The following INTS2 variants were observed in gnomAD, a reference collection of about 807,000 sequenced individuals.
The protein encoded by INTS2 is integrator complex subunit 2.
In INTS2, 57 loss-of-function variants were observed where a neutral mutation model predicts 139.6. That is an observed-to-expected ratio of 0.41 (90% confidence interval 0.33 to 0.51). The LOEUF is 0.51. Ranked by LOEUF, INTS2 falls within the 20% of genes least tolerant of loss-of-function variation. The probability of loss-of-function intolerance (pLI) is 0.28; values close to 1 mark genes in which losing one functional copy is unlikely to be tolerated. For missense variants in INTS2, 1,196 were observed against 1,436.7 expected, an observed-to-expected ratio of 0.83 and a Z score of 2.71; for synonymous variants, 473 against 493.4, an observed-to-expected ratio of 0.96 and a Z score of 0.55.
Position 61,869,947 on chromosome 17 carries a change from A to G in INTS2, c.2820T>C (p.Pro940=). 6.2e-7 allele frequency: 1 copy of G among 1,613,618 alleles called. No homozygotes were observed. Among genetic ancestry groups the G allele is most frequent in the Non-Finnish European group, 8.5e-7 (1 of 1,179,608 alleles). The change falls in exon 21 of 25, where the codon CCT becomes CCC. Residue 940 remains proline (P), a synonymous_variant. Coordinates refer to ENST00000251334, the MANE Select transcript of INTS2 (RefSeq NM_001351695.2). The surrounding 1 kb of genome is among the most constrained non-coding windows in gnomAD (Gnocchi z 5.4). Reference sequence around the variant, plus strand: ...CACCATTTGCTTTCTCCTCTTCAGTAGGTAGGCAAATCTCTAAGAGAATCT... The same window carrying G: ...CACCATTTGCTTTCTCCTCTTCAGTGGGTAGGCAAATCTCTAAGAGAATCT... ...AVQILLEICL[P]TEEEKANGVN...
rs531763266 is a variant in INTS2 at position 61,891,535 on chromosome 17, T to C, written c.1853A>G (p.Asn618Ser). ...NQPVTEQEIL[N>S]IFQGVIGGDN... ...TACCCCAATGACTCCTTGGAAAATA[T>C]TGAGTATCTCCTGTTCTGTGACTGG... The change falls in exon 14 of 25, where the codon AAT becomes AGT. Residue 618 changes from asparagine (N) to serine (S), a missense_variant. Around this residue, in one of 3 missense-constraint regions of INTS2, gnomAD observed 1,129 missense variants for 1,341.9 expected, o/e 0.84. Transcript: ENST00000251334. 21 of 1,613,366 alleles carry C rather than the reference T, an allele frequency of 1.3e-5. No individual in the cohort carries two copies. Among genetic ancestry groups the C allele is most frequent in the South Asian group, 5.5e-5 (5 of 90,954 alleles).
chr17:61,890,735 G>A (rs2079282909), intron 14 of INTS2, among the ~76,000 whole-genome samples: 1 of 150,604 alleles, frequency 6.6e-6, no homozygotes, highest in Admixed American at 6.7e-5. Flanking sequence ...CAATCTCCAG[G>A]GAACCCATTA....
intron 12 of INTS2, among the ~76,000 whole-genome samples, chr17:61,894,688 C>T (rs2145932376): frequency 6.6e-6 from 1 of 152,158 alleles, no homozygotes; most frequent in African/African-American, 2.4e-5. Context: ...CCCATCTCTA[C>T]TAAAAATACA....
rs796498996 is a variant in INTS2 at position 61,869,673 on chromosome 17, T to C, written c.3030+64A>G. 8.4e-5 allele frequency: 130 copies of C among 1,539,536 alleles called. 2 individuals are homozygous for C. Among genetic ancestry groups the C allele is most frequent in the African/African-American group, 4.1e-4 (30 of 72,980 alleles). The stretch of plus-strand genomic sequence containing the variant: ...GGTTTCTAAATGATCCCTGTTAATA[T>C]AGTATTCAAAGCCCCCAAGAAAAAT... On this transcript the variant is annotated intron_variant, in intron 21 of 24. Transcript: ENST00000251334. The surrounding 1 kb of genome is among the most constrained non-coding windows in gnomAD (Gnocchi z 5.4).
In INTS2 at chr17:61,893,367, C is replaced by G. The variant is rs1164849181; in HGVS notation, c.1698+398G>C. Among the ~76,000 whole-genome samples, 4 of 152,026 alleles carry G rather than the reference C, an allele frequency of 2.6e-5. No individual in the cohort carries two copies. The highest frequency in any genetic ancestry group is 4.4e-5 in the Non-Finnish European group (3 of 68,008). On this transcript the variant is annotated intron_variant, in intron 13 of 24. Coordinates refer to ENST00000251334, the MANE Select transcript of INTS2 (RefSeq NM_001351695.2). The surrounding 1 kb of genome is among the most constrained non-coding windows in gnomAD (Gnocchi z 5.4). ...TAAATGCCTACAAACTGAAATACAA[C>G]TGGGGAGAAAGCATTAATTTAGGTT...
intron 7 of INTS2, chr17:61,911,256 C>T: frequency 2.3e-6 from 1 of 440,064 alleles, no homozygotes; most frequent in South Asian, 6.5e-5. Context: ...AACACACCAG[C>T]TGTTCCTATT....
At chr17:61,891,806 T>A (rs2079297827) in intron 13 of INTS2, 117 bp from the exon 14 acceptor site, 1 of 711,944 alleles carries the variant, frequency 1.4e-6, no homozygotes, top group Non-Finnish European at 2.2e-6. Flanking sequence ...CACTATTAAC[T>A]TTTGGCAGTT....
rs972453943 is a variant in INTS2, at chr17:61,897,069, T to C, written c.1494+400A>G. ...GGGACCTATTAAGAAGATCAAACAA[T>C]GGACTATAAGACAATGCAGTCATTA... is the stretch of plus-strand genomic sequence containing the variant. On this transcript the variant is annotated intron_variant, in intron 11 of 24. Transcript: ENST00000251334. This position sits in a 1 kb window ranked among gnomAD's most constrained non-coding sequence, Gnocchi z 4.4. 2.0e-5 allele frequency among the ~76,000 whole-genome samples: 3 copies of C among 152,150 alleles called. No homozygotes were observed.
At chr17:61,892,184 C>T (rs1351160379) in intron 13 of INTS2, among the ~76,000 whole-genome samples, 4 of 152,118 alleles carry the variant, frequency 2.6e-5, no homozygotes, top group Non-Finnish European at 4.4e-5. Flanking sequence ...TAATTCTTAG[C>T]TATTTTACTT....
intron 7 of INTS2, among the ~76,000 whole-genome samples, chr17:61,908,575 T>C (rs1394748550): frequency 6.6e-6 from 1 of 152,210 alleles, no homozygotes; most frequent in Non-Finnish European, 1.5e-5. Context: ...ATAATACATG[T>C]ATGAAAGCAG....
Position 61,893,776 on chromosome 17 carries a change from C to T in INTS2, c.1687G>A (p.Val563Met), listed in dbSNP as rs759821294. 6.3e-7 allele frequency: 1 copy of T among 1,585,438 alleles called. No individual in the cohort carries two copies. Among genetic ancestry groups the T allele is most frequent in the Non-Finnish European group, 8.6e-7 (1 of 1,164,254 alleles). Residue 563 changes from valine (V) to methionine (M), a missense_variant, in exon 13 of 25, where the codon GTG becomes ATG. This residue lies in a region of INTS2 where 1,129 missense variants were observed against 1,341.9 expected (regional missense o/e 0.84). Transcript: ENST00000251334. This position sits in a 1 kb window ranked among gnomAD's most constrained non-coding sequence, Gnocchi z 5.4. Reference sequence around the variant, plus strand: ...TTGTAGGGGCATACTTTTATTGACACTTTGTGCTTGGTAAAGGAACGGCTC... The same window carrying T: ...TTGTAGGGGCATACTTTTATTGACATTTTGTGCTTGGTAAAGGAACGGCTC... Reference protein sequence around the residue: ...LRSRSFTKHKVSIKDWIYRQL... With the variant: ...LRSRSFTKHKMSIKDWIYRQL...
chr17:61,878,393 C>T (rs2079144966), intron 17 of INTS2, among the ~76,000 whole-genome samples: 1 of 151,542 alleles, frequency 6.6e-6, no homozygotes, highest in South Asian at 2.1e-4. Flanking sequence ...TGAAACCCCT[C>T]TCTCTACTAA....
At position 61,927,957 on chromosome 17, in the gene INTS2, A is replaced by T; in HGVS notation, c.-322T>A. 1.2e-6 allele frequency: 2 copies of T among 1,612,974 alleles called. No homozygotes were observed. Among genetic ancestry groups the T allele is most frequent in the Non-Finnish European group, 1.7e-6 (2 of 1,179,696 alleles). ...CACCTTCATTCATCCCCAGCGTCTG[A>T]CTCCCGTCGGCCACCGTACTGGTCT... is the stretch of plus-strand genomic sequence containing the variant. On this transcript the variant is annotated 5_prime_UTR_variant, in exon 1 of 25. Transcript: ENST00000251334.
At chr17:61,915,399 G>A (rs2079570736) in intron 5 of INTS2, among the ~76,000 whole-genome samples, 1 of 151,490 alleles carries the variant, frequency 6.6e-6, no homozygotes. Flanking sequence ...GGTGGCCCAT[G>A]CCTGTAATCC....
intron 15 of INTS2, among the ~76,000 whole-genome samples, chr17:61,886,641 G>A (rs1318353357): frequency 6.6e-6 from 1 of 152,168 alleles, no homozygotes; most frequent in East Asian, 1.9e-4. Context: ...CCAGTCAATA[G>A]TATCTTTCTC....
At position 61,911,920 on chromosome 17, in the gene INTS2, T is replaced by C. The variant is rs1305961124; in HGVS notation, c.780+20A>G. The C allele has an allele frequency of 1.2e-6, 2 of 1,605,356 alleles. No individual in the cohort carries two copies. Among genetic ancestry groups the C allele is most frequent in the Admixed American group, 1.7e-5 (1 of 57,258 alleles). ...ACCTAATATAAAGGCCTTTGTCTAA[T>C]AAAACACAGGATCACTTACCACCAT... On this transcript the variant is annotated intron_variant, in intron 6 of 24. Coordinates refer to ENST00000251334, the MANE Select transcript of INTS2 (RefSeq NM_001351695.2).
chr17:61,880,398 T>G lies in INTS2; in HGVS notation c.2254+609A>C, dbSNP rs1459535957. Among the ~76,000 whole-genome samples, 7 of 151,390 alleles carry G rather than the reference T, an allele frequency of 4.6e-5. No homozygotes were observed. The East Asian group carries it at 1.4e-3, about 30-fold the overall frequency. ...AGAACCTTTCTAAAACCACACCACCTTTTTAGTGATATAATATAGGACCTA... is the reference window on the plus strand; with the variant it reads ...AGAACCTTTCTAAAACCACACCACCGTTTTAGTGATATAATATAGGACCTA... On this transcript the variant is annotated intron_variant, in intron 17 of 24. Coordinates refer to ENST00000251334, the MANE Select transcript of INTS2 (RefSeq NM_001351695.2).
intron 3 of INTS2, among the ~76,000 whole-genome samples, chr17:61,923,259 C>T (rs543044643): frequency 1.5e-4 from 22 of 150,950 alleles, no homozygotes; most frequent in African/African-American, 4.1e-4. Context: ...GGGCGGATCA[C>T]GAGATCAGGA....
intron 16 of INTS2, among the ~76,000 whole-genome samples, chr17:61,883,748 G>C (rs544837122): frequency 6.9e-6 from 1 of 144,278 alleles, no homozygotes; most frequent in East Asian, 2.0e-4. Flanking sequence ...GCGAAACTCC[G>C]TCTCAAAAAA....
Sources: allele counts gnomAD v4.1 joint callset (sites outside exome capture counted in the v4.1 genomes callset), GRCh38; gene constraint gnomAD v4.1.1; regional missense constraint gnomAD v4.1.1; non-coding constraint Gnocchi (gnomAD v3.1); transcripts MANE v1.5; gene names NCBI Gene and HGNC (gene_info 2026-07-23, HGNC 2026-07-21).